Variants in UTP6 observed in about 807,000 individuals in gnomAD.
UTP6 encodes UTP6 small subunit processome component, also known as U3 small nucleolar RNA-associated protein 6 homolog.
UTP6 carries 60 observed loss-of-function variants against 96.5 expected under a neutral mutation model. The ratio of observed to expected loss-of-function variants is 0.62; its 90% CI spans 0.51 to 0.77. The LOEUF (loss-of-function observed/expected upper bound fraction) is 0.77. Ranked by LOEUF, UTP6 falls within the 30% of genes least tolerant of loss-of-function variation. UTP6 has a pLI of 0.00. For missense variants in UTP6, 637 were observed against 706.5 expected, an observed-to-expected ratio of 0.90 and a Z score of 1.12; for synonymous variants, 215 against 240.1, an observed-to-expected ratio of 0.90 and a Z score of 0.96.
At position 31,861,821 on chromosome 17, in the gene UTP6, T is replaced by C. The variant is rs374781503; in HGVS notation, c.*1538A>G. 11 of 152,346 alleles carry C rather than the reference T, an allele frequency of 7.2e-5. No homozygotes were observed. Among genetic ancestry groups the C allele is most frequent in the African/African-American group, 2.6e-4 (11 of 41,586 alleles). The allele number at this position is 152,346 out of a possible 1,614,324, so 9.4% of individuals were successfully genotyped here. The stretch of plus-strand genomic sequence containing the variant: ...ACAGGTAAGGGTACTGACACTTTCA[T>C]GTATTGCTTGAAAGAAGGAGCAAAC... On this transcript the variant is annotated 3_prime_UTR_variant, in exon 19 of 19. Transcript: ENST00000261708.
At chr17:31,900,752 G>A (rs1347288875) in intron 1 of UTP6, among the ~76,000 whole-genome samples, 1 of 152,106 alleles carries the variant, frequency 6.6e-6, no homozygotes. Flanking sequence ...AAGGACTTAC[G>A]GGAGAAGATT....
chr17:31,886,170 T>C (rs139879271), intron 8 of UTP6, 109 bp from the exon 9 acceptor site: 1 of 832,442 alleles, frequency 1.2e-6, no homozygotes, highest in Non-Finnish European at 1.9e-6. Flanking sequence ...CACTGGTAAA[T>C]CATGTCTCTC....
rs1354883403 is a variant in UTP6, at chr17:31,878,279, G to A, written c.1096C>T (p.Leu366Phe). ...TGCTTGTATTGGCATTCTGACAGAA[G>A]CTTCAGTTCATGTGCCTTCCTGAAT... ...TVFRKAHELKLLSECQYKQLS... is the reference protein window; with the variant it reads ...TVFRKAHELKFLSECQYKQLS... Residue 366 changes from leucine to phenylalanine, a missense_variant, in exon 13 of 19, where the codon CTT (leucine) becomes TTT (phenylalanine). Coordinates refer to ENST00000261708, the MANE Select transcript of UTP6 (RefSeq NM_018428.3). 6.2e-7 allele frequency: 1 copy of A among 1,614,162 alleles called. No homozygotes were observed. The highest frequency in any genetic ancestry group is 1.7e-5 in the Admixed American group (1 of 59,988).
intron 12 of UTP6, 98 bp from the exon 13 acceptor site, chr17:31,878,425 T>C: frequency 1.7e-6 from 2 of 1,211,860 alleles, no homozygotes; most frequent in South Asian, 1.3e-5. Flanking sequence ...TTCTTAAAAT[T>C]CAAAGAAGCT....
chr17:31,875,285 G>A lies in UTP6; in HGVS notation c.1254C>T (p.Ser418=). 1 of 1,614,132 alleles carries A rather than the reference G, an allele frequency of 6.2e-7. No individual in the cohort carries two copies. The highest frequency in any genetic ancestry group is 8.5e-7 in the Non-Finnish European group (1 of 1,180,030). Residue 418 remains serine, a synonymous_variant, in exon 14 of 19, where the codon AGC becomes AGT. Transcript: ENST00000261708. ...CTTCAAAAAGCATGGCTATGTCAGGGCTCTTTGACTCGATCAGCACCTGCA... is the reference window on the plus strand; with the variant it reads ...CTTCAAAAAGCATGGCTATGTCAGGACTCTTTGACTCGATCAGCACCTGCA... ...LKLQVLIESK[S]PDIAMLFEEA...
intron 16 of UTP6, among the ~76,000 whole-genome samples, chr17:31,871,302 T>G (rs1001496243): frequency 6.6e-6 from 1 of 152,080 alleles, no homozygotes; most frequent in African/African-American, 2.4e-5. Context: ...TTTTAACTTT[T>G]CATAGAAATG....
intron 18 of UTP6, 79 bp downstream of exon 18, chr17:31,865,287 A>G (rs965203525): frequency 2.0e-5 from 30 of 1,464,872 alleles, no homozygotes; most frequent in Admixed American, 5.2e-5. Flanking sequence ...TGCTGGGATT[A>G]CAGGCATGAG....
intron 6 of UTP6, among the ~76,000 whole-genome samples, chr17:31,890,744 G>A (rs942874021): frequency 6.6e-6 from 1 of 152,066 alleles, no homozygotes; most frequent in Admixed American, 6.6e-5. Flanking sequence ...CCAGCACTTT[G>A]GGAGGCTGAG....
Position 31,875,308 on chromosome 17 carries a change from G to C in UTP6, c.1231C>G (p.Gln411Glu), listed in dbSNP as rs957247100. 8 of 1,614,070 alleles carry C rather than the reference G, an allele frequency of 5.0e-6. No individual in the cohort carries two copies. Among genetic ancestry groups the C allele is most frequent in the Non-Finnish European group, 6.8e-6 (8 of 1,180,026 alleles). ...GGGCTCTTTGACTCGATCAGCACCTGCAGCTTCAGCTGCCACATTGTCCCA... is the reference window on the plus strand; with the variant it reads ...GGGCTCTTTGACTCGATCAGCACCTCCAGCTTCAGCTGCCACATTGTCCCA... Reference protein sequence around the residue: ...DSGTMWQLKLQVLIESKSPDI... With the variant: ...DSGTMWQLKLEVLIESKSPDI... Residue 411 changes from glutamine to glutamate, a missense_variant, in exon 14 of 19, where the codon CAG becomes GAG. Physicochemically the swap from Gln to Glu is conservative, Grantham distance 29. Transcript: ENST00000261708.
intron 12 of UTP6, 65 bp from the exon 13 acceptor site, chr17:31,878,392 T>G (rs1244894575): frequency 6.7e-7 from 1 of 1,487,330 alleles, no homozygotes; most frequent in African/African-American, 1.4e-5. Context: ...GCCTCTGACA[T>G]GAACAAAAGC....
intron 2 of UTP6, among the ~76,000 whole-genome samples, chr17:31,896,934 A>G (rs528717608): frequency 1.3e-5 from 2 of 152,054 alleles, no homozygotes; most frequent in African/African-American, 2.4e-5. Context: ...TTTGAACACA[A>G]TCAAATAAAT....
intron 13 of UTP6, among the ~76,000 whole-genome samples, chr17:31,876,490 C>G (rs1031253794): frequency 1.3e-5 from 2 of 150,100 alleles, no homozygotes; most frequent in African/African-American, 2.4e-5. Context: ...ACTAAAAATA[C>G]AAAATTAGCC....
intron 13 of UTP6, among the ~76,000 whole-genome samples, chr17:31,876,238 T>C (rs1306308252): frequency 6.6e-6 from 1 of 151,856 alleles, no homozygotes; most frequent in African/African-American, 2.4e-5. Context: ...GGTTTCACCA[T>C]GTTGGCCAGG....
chr17:31,868,558 C>T lies in UTP6; in HGVS notation c.1497-446G>A, dbSNP rs116470052. The stretch of plus-strand genomic sequence containing the variant: ...GTTTCTCAGGCTAGTCTCAAACTCC[C>T]GGGCTCAAGCAATCCTCCCGCCTCA... On this transcript the variant is annotated intron_variant, in intron 16 of 18. Coordinates refer to ENST00000261708, the MANE Select transcript of UTP6 (RefSeq NM_018428.3). Among the ~76,000 whole-genome samples the T allele has an allele frequency of 3.4e-3, 523 of 151,846 alleles. 7 individuals carry two copies. Among genetic ancestry groups the T allele is most frequent in the African/African-American group, 0.012 (505 of 41,430 alleles).
chr17:31,887,381 G>A (rs150483953), intron 7 of UTP6, 68 bp from the exon 8 acceptor site: 1,262 of 1,330,822 alleles, frequency 9.5e-4, no homozygotes, highest in Non-Finnish European at 1.3e-3. Context: ...ACAGGGTCTT[G>A]CTCTGTCACC....
intron 14 of UTP6, chr17:31,874,040 C>A (rs1910348483): frequency 3.0e-6 from 1 of 332,640 alleles, no homozygotes. Context: ...CTCAGAGCAA[C>A]ACTCTTCTGT....
rs760779158 is a variant in UTP6, at chr17:31,875,317, G to A, written c.1222C>T (p.Leu408=). 16 of 1,614,186 alleles carry A rather than the reference G, an allele frequency of 9.9e-6. No individual in the cohort carries two copies. The Admixed American group carries it at 2.5e-4, about 25-fold the overall frequency. The change falls in exon 14 of 19, where the codon CTG becomes TTG. Residue 408 remains leucine (L), a synonymous_variant. Coordinates refer to ENST00000261708, the MANE Select transcript of UTP6 (RefSeq NM_018428.3). The part of the protein sequence containing the change: ...LFRDSGTMWQ[L]KLQVLIESKS... Reference sequence around the variant, plus strand: ...GACTCGATCAGCACCTGCAGCTTCAGCTGCCACATTGTCCCAGAGTCTCTA... The same window carrying A: ...GACTCGATCAGCACCTGCAGCTTCAACTGCCACATTGTCCCAGAGTCTCTA...
intron 10 of UTP6, among the ~76,000 whole-genome samples, chr17:31,881,864 T>C (rs1910863362): frequency 6.6e-6 from 1 of 152,082 alleles, no homozygotes; most frequent in Admixed American, 6.6e-5. Flanking sequence ...CAGCTAATTT[T>C]GGTAGTTTTA....
chr17:31,885,989 T>C lies in UTP6; in HGVS notation c.694A>G (p.Ile232Val), dbSNP rs375397400. 6.8e-6 allele frequency: 11 copies of C among 1,612,804 alleles called. No homozygotes were observed. Among genetic ancestry groups the C allele is most frequent in the Admixed American group, 3.3e-5 (2 of 59,740 alleles). ...AWIIYKNSVSIIKGAEFHVSL... is the reference protein window; with the variant it reads ...AWIIYKNSVSVIKGAEFHVSL... ...TTCAAAAGATACCTACCTTTAATTA[T>C]GCTTACAGAATTTTTGTAGATGATC... Residue 232 changes from isoleucine to valine, a missense_variant, in exon 9 of 19, where the codon ATA becomes GTA. Transcript: ENST00000261708.
Sources: gnomAD v4.1 joint callset for allele counts (sites outside exome capture counted in the v4.1 genomes callset) on GRCh38, gnomAD v4.1.1 for gene constraint, MANE v1.5 for transcripts, NCBI Gene and HGNC (gene_info 2026-07-23, HGNC 2026-07-21) for gene names.